Variants in PARD6B observed in about 807,000 individuals in gnomAD.
PARD6B encodes partitioning defective 6 homolog beta.
Under a neutral mutation model 10.5 loss-of-function variants are expected in PARD6B, and 4 were observed. That is an observed-to-expected ratio of 0.38 (90% CI 0.19 to 0.87). The LOEUF (loss-of-function observed/expected upper bound fraction) is 0.87, where lower values mean the gene tolerates loss of function less well. PARD6B is among the 40% of genes least tolerant of loss of function. The pLI, the probability that PARD6B is intolerant of heterozygous loss-of-function variation, is 0.41. For synonymous variants in PARD6B, 169 were observed against 170.4 expected (o/e 0.99, Z 0.07); for missense variants, 396 against 470.6 (o/e 0.84, Z 1.47).
intron 2 of PARD6B, among the ~76,000 whole-genome samples, chr20:50,747,429 A>G (rs915172352): frequency 3.0e-3 from 435 of 143,288 alleles, no homozygotes; most frequent in Non-Finnish European, 4.1e-3. Flanking sequence ...GTGGAGGAGG[A>G]GGGAAGCCAT....
chr20:50,743,888 C>CAA (rs1216305315), intron 2 of PARD6B, among the ~76,000 whole-genome samples: 12 of 56,176 alleles, frequency 2.1e-4, no homozygotes, highest in East Asian at 5.3e-4. Context: ...GACTCCGTCT[C>CAA]AAAAAAAAAA....
rs2087590565 is a variant in PARD6B, at chr20:50,749,927, A to G, written c.558A>G (p.Leu186=). The change falls in exon 3 of 3, where the codon TTA becomes TTG. Residue 186 remains leucine, a synonymous_variant. Coordinates refer to ENST00000371610, the MANE Select transcript of PARD6B (RefSeq NM_032521.3). The stretch of plus-strand genomic sequence containing the variant: ...GTGTCAGGGTAACACCACATGGCTT[A>G]GAAAAGGTTCCAGGGATCTTTATAT... ...GSSVRVTPHG[L]EKVPGIFISR... The G allele has an allele frequency of 1.2e-6, 2 of 1,614,126 alleles. No homozygotes were observed. The highest frequency in any genetic ancestry group is 3.3e-5 in the Admixed American group (2 of 60,008).
Position 50,750,775 on chromosome 20 carries a change from T to C in PARD6B, c.*287T>C, listed in dbSNP as rs1235993743. 7 of 1,163,278 alleles carry C rather than the reference T, an allele frequency of 6.0e-6. No homozygotes were observed. In the African/African-American group the frequency reaches 9.5e-5, roughly 16 times the overall value. The allele number at this position is 1,163,278 out of a possible 1,614,324, so 72.1% of individuals were successfully genotyped here. A position where few individuals can be genotyped will look rare whatever the true frequency, so the allele number is the denominator to read the frequency against. On this transcript the variant is annotated 3_prime_UTR_variant, in exon 3 of 3. Transcript: ENST00000371610. ...ATGTTAAAGCACATTCTTGGAACTATGTGAGAAGACTAGATCATTTCTGTT... is the reference window on the plus strand; with the variant it reads ...ATGTTAAAGCACATTCTTGGAACTACGTGAGAAGACTAGATCATTTCTGTT...
At chr20:50,740,115 A>G (rs2087523371) in intron 2 of PARD6B, among the ~76,000 whole-genome samples, 1 of 152,256 alleles carries the variant, frequency 6.6e-6, no homozygotes, top group African/African-American at 2.4e-5. Flanking sequence ...AATGGTAGAC[A>G]AAAGTTCAGG....
chr20:50,737,852 T>C lies in PARD6B; in HGVS notation c.67-5T>C, dbSNP rs766950112. The C allele has an allele frequency of 1.3e-6, 2 of 1,565,404 alleles. No individual in the cohort carries two copies. Among genetic ancestry groups the C allele is most frequent in the Admixed American group, 3.9e-5 (2 of 51,378 alleles). ...TTTTAAGTAATATGTTTGTTACGTT[T>C]ATAGTTTGGAGCTGAATTTCGTCGG... On this transcript the variant is annotated splice_region_variant and splice_polypyrimidine_tract_variant and intron_variant, in intron 1 of 2. Transcript: ENST00000371610.
Position 50,751,638 on chromosome 20 carries a change from G to A in PARD6B, c.*1150G>A, listed in dbSNP as rs1026399682. On this transcript the variant is annotated 3_prime_UTR_variant, in exon 3 of 3. Transcript: ENST00000371610. ...TGGGATTACAGGCGTGAGCCACCGC[G>A]CCCAGTTGTGCATTTCTGGTTTCTA... is the stretch of plus-strand genomic sequence containing the variant. 28 of 984,306 alleles carry A rather than the reference G, an allele frequency of 2.8e-5. No individual in the cohort carries two copies. The highest frequency in any genetic ancestry group is 3.1e-5 in the Non-Finnish European group (26 of 829,856). 61.0% of individuals were successfully genotyped at this position (984,306 alleles called of 1,614,324 possible). A position where few individuals can be genotyped will look rare whatever the true frequency, so the allele number is the denominator to read the frequency against.
At chr20:50,735,370 C>T (rs992063150) in intron 1 of PARD6B, among the ~76,000 whole-genome samples, 4 of 152,102 alleles carry the variant, frequency 2.6e-5, no homozygotes, top group Non-Finnish European at 4.4e-5. Context: ...TTGATGATGT[C>T]CTTTAATAAC....
At chr20:50,748,758 A>G (rs932776993) in intron 2 of PARD6B, among the ~76,000 whole-genome samples, 1 of 152,086 alleles carries the variant, frequency 6.6e-6, no homozygotes, top group African/African-American at 2.4e-5. Context: ...GGCTCAAGTG[A>G]TCCACTCACC....
At chr20:50,744,799 C>G (rs948614654) in intron 2 of PARD6B, among the ~76,000 whole-genome samples, 1 of 152,154 alleles carries the variant, frequency 6.6e-6, no homozygotes, top group African/African-American at 2.4e-5. Context: ...GAATCACTTC[C>G]CTGGAGAAGC....
At position 50,748,814 on chromosome 20, in the gene PARD6B, G is replaced by A. The variant is rs141703747; in HGVS notation, c.290-845G>A. ...TGGGATTATAGACGTGAGGCACCAC[G>A]CCCAACCACATTACAAGTTTTTTAA... is the stretch of plus-strand genomic sequence containing the variant. On this transcript the variant is annotated intron_variant, in intron 2 of 2. Coordinates refer to ENST00000371610, the MANE Select transcript of PARD6B (RefSeq NM_032521.3). Among the ~76,000 whole-genome samples the A allele has an allele frequency of 2.9e-3, 438 of 152,166 alleles. 2 individuals are homozygous for A. The highest frequency in any genetic ancestry group is 0.01 in the African/African-American group (418 of 41,512).
At chr20:50,745,338 C>G (rs564870467) in intron 2 of PARD6B, among the ~76,000 whole-genome samples, 183 of 150,952 alleles carry the variant, frequency 1.2e-3, no homozygotes, top group Middle Eastern at 3.2e-3. Flanking sequence ...GAAGGAGAAT[C>G]GCTTGAACCC....
rs1455019221 is a variant in PARD6B, at chr20:50,751,224, C to G, written c.*736C>G. The G allele has an allele frequency of 5.3e-6, 5 of 949,682 alleles. No individual in the cohort carries two copies. Among genetic ancestry groups the G allele is most frequent in the African/African-American group, 3.6e-5 (2 of 56,076 alleles). 58.8% of individuals were successfully genotyped at this position (949,682 alleles called of 1,614,324 possible). ...GGCTTAAGCAGTCCTGCCTCGGCTTCCCAAAATGCTAGGATTAGAGCCACC... is the reference window on the plus strand; with the variant it reads ...GGCTTAAGCAGTCCTGCCTCGGCTTGCCAAAATGCTAGGATTAGAGCCACC... On this transcript the variant is annotated 3_prime_UTR_variant, in exon 3 of 3. Transcript: ENST00000371610.
chr20:50,748,058 G>T (rs2123707518), intron 2 of PARD6B, among the ~76,000 whole-genome samples: 1 of 152,332 alleles, frequency 6.6e-6, no homozygotes, highest in East Asian at 1.9e-4. Context: ...AAGAATTCCT[G>T]CTGGGCGAGG....
intron 1 of PARD6B, among the ~76,000 whole-genome samples, chr20:50,734,805 G>A (rs935591192): frequency 6.6e-6 from 1 of 152,072 alleles, no homozygotes; most frequent in Admixed American, 6.6e-5. Context: ...ATAGGCATTA[G>A]CCACCACACT....
rs947576524 is a variant in PARD6B at position 50,752,151 on chromosome 20, C to T, written c.*1663C>T. 2 of 985,444 alleles carry T rather than the reference C, an allele frequency of 2.0e-6. No homozygotes were observed. The highest frequency in any genetic ancestry group is 4.7e-5 in the South Asian group (1 of 21,282). The allele number at this position is 985,444 out of a possible 1,614,324, so 61.0% of individuals were successfully genotyped here. ...CTTGACTTTGGAAATATGGAAGTCTCTCCTTTAACCTATTCTTGTTCCCAT... is the reference window on the plus strand; with the variant it reads ...CTTGACTTTGGAAATATGGAAGTCTTTCCTTTAACCTATTCTTGTTCCCAT... On this transcript the variant is annotated 3_prime_UTR_variant, in exon 3 of 3. Coordinates refer to ENST00000371610, the MANE Select transcript of PARD6B (RefSeq NM_032521.3).
intron 2 of PARD6B, among the ~76,000 whole-genome samples, chr20:50,740,339 G>A (rs1289233623): frequency 1.3e-5 from 2 of 152,180 alleles, no homozygotes; most frequent in Admixed American, 6.5e-5. Context: ...TAAAAAGTTA[G>A]TTGCTGTTTG....
chr20:50,741,785 A>T (rs1188838962), intron 2 of PARD6B, among the ~76,000 whole-genome samples: 2 of 151,886 alleles, frequency 1.3e-5, no homozygotes, highest in African/African-American at 4.8e-5. Flanking sequence ...TGACTTCGTG[A>T]TCCGCCCGTC....
intron 2 of PARD6B, among the ~76,000 whole-genome samples, chr20:50,743,077 A>G (rs771817445): frequency 8.5e-5 from 13 of 152,226 alleles, no homozygotes; most frequent in Non-Finnish European, 2.9e-5. Flanking sequence ...ATTGCTGTGC[A>G]CTAAAAATTT....
intron 2 of PARD6B, among the ~76,000 whole-genome samples, chr20:50,746,872 CAAAT>C (rs1189763354): frequency 6.6e-6 from 1 of 152,086 alleles, no homozygotes; most frequent in East Asian, 1.9e-4. Flanking sequence ...TTTTAAAACA[CAAAT>C]ATGTATGATT....
Sources: gnomAD v4.1 joint callset for allele counts (sites outside exome capture counted in the v4.1 genomes callset) on GRCh38, gnomAD v4.1.1 for gene constraint, MANE v1.5 for transcripts, NCBI Gene and HGNC (gene_info 2026-07-23, HGNC 2026-07-21) for gene names.